Variants in ANKRD36 observed in about 807,000 individuals in gnomAD.
ANKRD36 encodes the protein ankyrin repeat domain 36, also known as ankyrin repeat domain-containing protein 36A.
A neutral mutation model predicts 278.1 loss-of-function variants in ANKRD36; 179 were observed. That is an observed-to-expected ratio of 0.64 (90% CI 0.57 to 0.73). The LOEUF (loss-of-function observed/expected upper bound fraction) is 0.73. Ranked by LOEUF, ANKRD36 falls within the 30% of genes least tolerant of loss-of-function variation. ANKRD36 has a pLI of 0.00. For synonymous variants in ANKRD36, 320 were observed against 641.1 expected (o/e 0.50, Z 7.57); for missense variants, 1,159 against 1,956.7 (o/e 0.59, Z 7.69).
At chr2:97,203,931 C>A (rs1222371974) in intron 48 of ANKRD36, 137 bp from the exon 49 acceptor site, 6 of 1,386,456 alleles carry the variant, frequency 4.3e-6, no homozygotes, top group Admixed American at 4.4e-5. Context: ...TTCTAATCCC[C>A]AGACCAAAAT....
chr2:97,127,604 T>C (rs1393655936), intron 6 of ANKRD36, among the ~76,000 whole-genome samples: 1 of 151,954 alleles, frequency 6.6e-6, no homozygotes, highest in African/African-American at 2.4e-5. Flanking sequence ...GTATGTTGTA[T>C]ATATTATATA....
Position 97,151,890 on chromosome 2 carries a change from A to G in ANKRD36, c.1113A>G (p.Lys371=). 1 of 1,435,560 alleles carries G rather than the reference A, an allele frequency of 7.0e-7. No individual in the cohort carries two copies. Among genetic ancestry groups the G allele is most frequent in the Non-Finnish European group, 9.4e-7 (1 of 1,058,570 alleles). 88.9% of individuals were successfully genotyped at this position (1,435,560 alleles called of 1,614,324 possible). The change falls in exon 13 of 76, where the codon AAA becomes AAG. Residue 371 remains lysine (K), a synonymous_variant. Transcript: ENST00000420699. ...TGTTTTTCTTCTAGATTATTTCAAA[A>G]CTATACATCCCAAAGAGAAAGATTA... is the stretch of plus-strand genomic sequence containing the variant. ...EFSLESEIIS[K]LYIPKRKIIS... is the part of the protein sequence containing the mutation.
intron 3 of ANKRD36, among the ~76,000 whole-genome samples, chr2:97,121,365 G>C (rs943728250): frequency 6.6e-6 from 1 of 152,082 alleles, no homozygotes; most frequent in Non-Finnish European, 1.5e-5. Context: ...AATTGGCCGA[G>C]CGCAGTGGCT....
chr2:97,183,914 G>A (rs1425857594), intron 28 of ANKRD36, among the ~76,000 whole-genome samples: 5 of 151,466 alleles, frequency 3.3e-5, no homozygotes, highest in African/African-American at 9.7e-5. Flanking sequence ...TAAGAGGATC[G>A]GAGGACAGCA....
At chr2:97,132,490 A>G (rs965367249) in intron 6 of ANKRD36, among the ~76,000 whole-genome samples, 1 of 149,334 alleles carries the variant, frequency 6.7e-6, no homozygotes. Context: ...CTATTCCTTT[A>G]TGGATTTATT....
chr2:97,204,046 A>C, intron 48 of ANKRD36, 22 bp from the exon 49 acceptor site: 1 of 1,563,040 alleles, frequency 6.4e-7, no homozygotes, highest in Non-Finnish European at 8.7e-7. Context: ...ATGAGTGATT[A>C]GGAATCCCTT....
chr2:97,128,294 G>A (rs2039150517), intron 6 of ANKRD36, among the ~76,000 whole-genome samples: 1 of 151,878 alleles, frequency 6.6e-6, no homozygotes, highest in Admixed American at 6.6e-5. Context: ...CCCTGGGAAT[G>A]TCAACATTCC....
chr2:97,192,826 A>G, intron 36 of ANKRD36, 32 bp from the exon 37 acceptor site: 2 of 1,593,270 alleles, frequency 1.3e-6, no homozygotes, highest in Non-Finnish European at 1.7e-6. Context: ...ATAGTTACAT[A>G]TGAGTGATTA....
Position 97,152,470 on chromosome 2 carries a change from T to C in ANKRD36, c.1163-34T>C, listed in dbSNP as rs1469999419. 5 of 1,411,526 alleles carry C rather than the reference T, an allele frequency of 3.5e-6. No individual in the cohort carries two copies. The Admixed American group carries it at 6.1e-5, about 17-fold the overall frequency. The allele number at this position is 1,411,526 out of a possible 1,614,324, so 87.4% of individuals were successfully genotyped here. The stretch of plus-strand genomic sequence containing the variant: ...TTAGTATTCTATAGTGTTCTATTGT[T>C]GATTTAAAATGCATTTTACTTTTTC... On this transcript the variant is annotated intron_variant, in intron 13 of 75. Transcript: ENST00000420699.
At chr2:97,183,722 A>G (rs1383538068) in intron 28 of ANKRD36, 68 bp downstream of exon 28, 70 of 1,476,278 alleles carry the variant, frequency 4.7e-5, no homozygotes, top group Non-Finnish European at 6.3e-5. Flanking sequence ...ACCCCTGAAT[A>G]GATCAGTGGG....
chr2:97,188,173 C>G (rs1048769817), intron 32 of ANKRD36, among the ~76,000 whole-genome samples: 43 of 151,622 alleles, frequency 2.8e-4, no homozygotes, highest in African/African-American at 1.0e-3. Context: ...AAGGAGCTAC[C>G]TCTTGGATAA....
At chr2:97,197,293 G>A (rs1174615927) in intron 42 of ANKRD36, among the ~76,000 whole-genome samples, 1 of 151,904 alleles carries the variant, frequency 6.6e-6, no homozygotes, top group East Asian at 1.9e-4. Context: ...GTATAATTTT[G>A]GGGTTTCTGC....
chr2:97,121,161 AT>A (rs1425895158), intron 3 of ANKRD36, among the ~76,000 whole-genome samples: 1 of 152,004 alleles, frequency 6.6e-6, no homozygotes, highest in Non-Finnish European at 1.5e-5. Context: ...TCCTTTGGTA[AT>A]CGGGTTGAAC....
intron 22 of ANKRD36, among the ~76,000 whole-genome samples, chr2:97,170,238 A>G (rs1316162428): frequency 6.6e-6 from 1 of 151,804 alleles, no homozygotes; most frequent in Non-Finnish European, 1.5e-5. Context: ...GGAAACTGAA[A>G]CTGGACCCCT....
At chr2:97,196,993 C>T (rs565517802) in intron 42 of ANKRD36, among the ~76,000 whole-genome samples, 1 of 151,984 alleles carries the variant, frequency 6.6e-6, no homozygotes, top group South Asian at 2.1e-4. Flanking sequence ...CACTTCCACA[C>T]TTTGAAGTTG....
chr2:97,115,016 A>C (rs563722416), intron 1 of ANKRD36, among the ~76,000 whole-genome samples: 54 of 152,182 alleles, frequency 3.5e-4, no homozygotes, highest in African/African-American at 1.2e-3. Context: ...CAAATCAGTG[A>C]ATGGAACAGG....
At chr2:97,225,327 C>G (rs2069090423) in intron 67 of ANKRD36, among the ~76,000 whole-genome samples, 1 of 152,058 alleles carries the variant, frequency 6.6e-6, no homozygotes, top group Non-Finnish European at 1.5e-5. Flanking sequence ...ATTTATTTTC[C>G]TTTTTGATCT....
chr2:97,116,784 A>T (rs2035504290), intron 1 of ANKRD36, among the ~76,000 whole-genome samples: 1 of 152,146 alleles, frequency 6.6e-6, no homozygotes, highest in South Asian at 2.1e-4. Flanking sequence ...GAAAATGAGC[A>T]AATATAAGTG....
intron 46 of ANKRD36, among the ~76,000 whole-genome samples, chr2:97,201,452 T>C (rs1236771339): frequency 5.9e-5 from 9 of 151,946 alleles, no homozygotes; most frequent in African/African-American, 2.2e-4. Flanking sequence ...TATTAATATC[T>C]AATGGTTGTG....
Sources: allele counts gnomAD v4.1 joint callset (sites outside exome capture counted in the v4.1 genomes callset), GRCh38; gene constraint gnomAD v4.1.1; transcripts MANE v1.5; gene names NCBI Gene and HGNC (gene_info 2026-07-23, HGNC 2026-07-21).